Variants in HCN1 observed in about 807,000 individuals in gnomAD.
HCN1 encodes the protein potassium/sodium hyperpolarization-activated cyclic nucleotide-gated channel 1.
In HCN1, 13 loss-of-function variants were observed where a neutral mutation model predicts 78.9. The observed-to-expected ratio is 0.16, with a 90% CI of 0.11 to 0.26. The LOEUF (loss-of-function observed/expected upper bound fraction) is 0.26. Among genes scored for constraint, HCN1 ranks in the 10% least tolerant of loss-of-function variants. The pLI is 1.00. For synonymous variants in HCN1, 552 were observed against 455.5 expected, an observed-to-expected ratio of 1.21 and a Z score of -2.70; for missense variants, 810 against 1,154.3, an observed-to-expected ratio of 0.70 and a Z score of 4.32.
intron 2 of HCN1, among the ~76,000 whole-genome samples, chr5:45,553,328 A>G (rs1456064560): frequency 1.3e-5 from 2 of 151,792 alleles, no homozygotes; most frequent in African/African-American, 2.4e-5. Flanking sequence ...TTCCCCTAAG[A>G]AAAGGGTATA....
intron 5 of HCN1, among the ~76,000 whole-genome samples, chr5:45,348,647 C>T (rs772733317): frequency 2.3e-4 from 35 of 152,070 alleles, no homozygotes; most frequent in Non-Finnish European, 3.7e-4. Flanking sequence ...ACACACATAA[C>T]ATAGGCTCAA....
intron 5 of HCN1, among the ~76,000 whole-genome samples, chr5:45,327,467 T>G (rs964165450): frequency 6.6e-6 from 1 of 151,606 alleles, no homozygotes; most frequent in African/African-American, 2.4e-5. Flanking sequence ...TAACAATATA[T>G]GTATATGCAC....
At chr5:45,611,124 C>T (rs1475105400) in intron 2 of HCN1, among the ~76,000 whole-genome samples, 1 of 151,058 alleles carries the variant, frequency 6.6e-6, no homozygotes, top group South Asian at 2.1e-4. Context: ...GATCTTGGGT[C>T]ACTGCAGCCT....
At position 45,396,735 on chromosome 5, in the gene HCN1, T is replaced by C. The variant is rs575331699; in HGVS notation, c.1012-25A>G. The C allele has an allele frequency of 1.0e-5, 16 of 1,578,974 alleles. No individual in the cohort carries two copies. In the East Asian group the frequency reaches 1.3e-4, roughly 13 times the overall value. On this transcript the variant is annotated intron_variant, in intron 3 of 7. Transcript: ENST00000303230. ...TCTGCAACATAAGATAAAAAGAAAATTGACTGAGCCATTAGGATGGCAGAA... is the reference window on the plus strand; with the variant it reads ...TCTGCAACATAAGATAAAAAGAAAACTGACTGAGCCATTAGGATGGCAGAA...
At chr5:45,454,252 A>G (rs976454662) in intron 3 of HCN1, among the ~76,000 whole-genome samples, 3 of 152,120 alleles carry the variant, frequency 2.0e-5, no homozygotes, top group Non-Finnish European at 2.9e-5. Context: ...AGAACACAGT[A>G]TGTGAACCCT....
intron 2 of HCN1, among the ~76,000 whole-genome samples, chr5:45,596,683 T>C (rs1320023405): frequency 2.0e-5 from 3 of 152,204 alleles, no homozygotes; most frequent in South Asian, 4.1e-4. Flanking sequence ...CTAGGTGAGG[T>C]TGAAGTTGTC....
intron 5 of HCN1, among the ~76,000 whole-genome samples, chr5:45,349,870 T>C (rs1023001776): frequency 2.0e-5 from 3 of 152,106 alleles, no homozygotes; most frequent in African/African-American, 7.2e-5. Flanking sequence ...TCTGAAATTG[T>C]GGCAATAATC....
At chr5:45,578,673 A>T (rs1743996194) in intron 2 of HCN1, among the ~76,000 whole-genome samples, 1 of 152,010 alleles carries the variant, frequency 6.6e-6, no homozygotes, top group South Asian at 2.1e-4. Context: ...TAGTTCTCAT[A>T]ACACTTTATA....
intron 2 of HCN1, among the ~76,000 whole-genome samples, chr5:45,501,085 G>A (rs1057448397): frequency 1.3e-5 from 2 of 152,102 alleles, no homozygotes; most frequent in African/African-American, 2.4e-5. Context: ...TTGATAAGCC[G>A]ACTCAAACTT....
At chr5:45,535,463 T>C (rs1742946429) in intron 2 of HCN1, among the ~76,000 whole-genome samples, 2 of 152,150 alleles carry the variant, frequency 1.3e-5, no homozygotes, top group South Asian at 2.1e-4. Flanking sequence ...CTGGGTGTGG[T>C]GGTGGGTACC....
At chr5:45,504,605 G>A (rs1742257778) in intron 2 of HCN1, among the ~76,000 whole-genome samples, 2 of 152,074 alleles carry the variant, frequency 1.3e-5, no homozygotes, top group Non-Finnish European at 2.9e-5. Context: ...AATCCTTTGG[G>A]TATATACCCA....
At chr5:45,397,928 G>T (rs1161789834) in intron 3 of HCN1, among the ~76,000 whole-genome samples, 1 of 151,256 alleles carries the variant, frequency 6.6e-6, no homozygotes, top group Non-Finnish European at 1.5e-5. Context: ...AATGACATTA[G>T]TTGCTCTTGG....
rs140670024 is a variant in HCN1, at chr5:45,346,476, C to T, written c.1377+6624G>A. Among the ~76,000 whole-genome samples the T allele has an allele frequency of 2.4e-3, 368 of 152,236 alleles. 3 individuals carry two copies. Among genetic ancestry groups the T allele is most frequent in the African/African-American group, 6.3e-3 (262 of 41,548 alleles). On this transcript the variant is annotated intron_variant, in intron 5 of 7. Coordinates refer to ENST00000303230, the MANE Select transcript of HCN1 (RefSeq NM_021072.4). Reference sequence around the variant, plus strand: ...ATTTCTGCATTTCCATCTGAGGTACCGGGTTCATCTCACTAGGGAGTACCA... The same window carrying T: ...ATTTCTGCATTTCCATCTGAGGTACTGGGTTCATCTCACTAGGGAGTACCA...
intron 1 of HCN1, among the ~76,000 whole-genome samples, chr5:45,678,244 G>C (rs1460773531): frequency 6.6e-6 from 1 of 151,918 alleles, no homozygotes; most frequent in Non-Finnish European, 1.5e-5. Flanking sequence ...AGAAGGAACA[G>C]TCTCAGAGGT....
At chr5:45,312,265 T>A (rs370981218) in intron 5 of HCN1, among the ~76,000 whole-genome samples, 3 of 152,230 alleles carry the variant, frequency 2.0e-5, no homozygotes, top group Non-Finnish European at 4.4e-5. Context: ...GAATTTTATA[T>A]ATTATATACA....
In HCN1 at chr5:45,546,786, T is replaced by C. The variant is rs183134891; in HGVS notation, c.850-84779A>G. On this transcript the variant is annotated intron_variant, in intron 2 of 7. Coordinates refer to ENST00000303230, the MANE Select transcript of HCN1 (RefSeq NM_021072.4). The stretch of plus-strand genomic sequence containing the variant: ...CAGAAGACACCTTAAATATCGTTAT[T>C]CCAACTATACTATGCTATTTAAAAT... Among the ~76,000 whole-genome samples, 48 of 151,966 alleles carry C rather than the reference T, an allele frequency of 3.2e-4. 1 individual carries two copies. The East Asian group carries it at 7.2e-3, about 23-fold the overall frequency.
intron 1 of HCN1, among the ~76,000 whole-genome samples, chr5:45,656,066 C>T (rs1745759453): frequency 6.6e-6 from 1 of 152,074 alleles, no homozygotes; most frequent in East Asian, 1.9e-4. Context: ...AAGACCTAAT[C>T]TGCCTAATAT....
chr5:45,414,058 T>C (rs1050536084), intron 3 of HCN1, among the ~76,000 whole-genome samples: 3 of 152,038 alleles, frequency 2.0e-5, no homozygotes, highest in South Asian at 2.1e-4. Context: ...AATTAGACCA[T>C]GGGAAAAAGA....
chr5:45,365,347 A>T (rs1265338756), intron 4 of HCN1, among the ~76,000 whole-genome samples: 1 of 151,810 alleles, frequency 6.6e-6, no homozygotes, highest in Admixed American at 6.6e-5. Flanking sequence ...CCCACCTCCC[A>T]TTCTCCACCC....
Sources: gnomAD v4.1 joint callset for allele counts (sites outside exome capture counted in the v4.1 genomes callset) on GRCh38, gnomAD v4.1.1 for gene constraint, MANE v1.5 for transcripts, NCBI Gene and HGNC (gene_info 2026-07-23, HGNC 2026-07-21) for gene names.